The following LRMDA variants were observed in gnomAD, a reference collection of about 807,000 sequenced individuals.
LRMDA encodes the protein leucine-rich melanocyte differentiation-associated protein.
LRMDA carries 18 observed loss-of-function variants against 29.8 expected under a neutral mutation model. The ratio of observed to expected loss-of-function variants is 0.60; its 90% confidence interval spans 0.42 to 0.90. The LOEUF (loss-of-function observed/expected upper bound fraction) is 0.90. Ranked by LOEUF, LRMDA falls within the 40% of genes least tolerant of loss-of-function variation. LRMDA has a pLI of 0.00. For missense variants in LRMDA, 273 were observed against 273.9 expected, an observed-to-expected ratio of 1.00 and a Z score of 0.02; for synonymous variants, 125 against 109.4, an observed-to-expected ratio of 1.14 and a Z score of -0.89.
intron 2 of LRMDA, among the ~76,000 whole-genome samples, chr10:75,847,214 C>T (rs929499826): frequency 2.6e-5 from 4 of 152,052 alleles, no homozygotes; most frequent in Non-Finnish European, 4.4e-5. Flanking sequence ...TGTGTATGGT[C>T]AAATGATTTT....
At chr10:76,007,031 T>TGTGTGTGCGC (rs1230411095) in intron 2 of LRMDA, among the ~76,000 whole-genome samples, 3 of 26,906 alleles carry the variant, frequency 1.1e-4, no homozygotes, top group Admixed American at 4.1e-4. Flanking sequence ...TGTGTGTGTG[T>TGTGTGTGCGC]GCGCGTGTGT....
At chr10:76,444,383 A>G (rs926004346) in intron 6 of LRMDA, among the ~76,000 whole-genome samples, 8 of 152,196 alleles carry the variant, frequency 5.3e-5, no homozygotes, top group Admixed American at 6.5e-5. Context: ...GGTAGAAGTG[A>G]GTAATGAGAG....
intron 5 of LRMDA, among the ~76,000 whole-genome samples, chr10:76,083,123 C>G (rs894319716): frequency 6.6e-6 from 1 of 152,138 alleles, no homozygotes; most frequent in Non-Finnish European, 1.5e-5. Context: ...AAAGACTGTC[C>G]TTCCCAGGGC....
At chr10:75,662,974 CTCT>C (rs1468527424) in intron 2 of LRMDA, among the ~76,000 whole-genome samples, 1 of 152,210 alleles carries the variant, frequency 6.6e-6, no homozygotes, top group Non-Finnish European at 1.5e-5. Context: ...TTATAGAAGA[CTCT>C]TCTTGTTCTT....
intron 5 of LRMDA, among the ~76,000 whole-genome samples, chr10:76,319,967 C>T (rs1243055047): frequency 6.6e-6 from 1 of 152,200 alleles, no homozygotes; most frequent in East Asian, 1.9e-4. Context: ...CCAAATCTCT[C>T]CTCCTGTGGT....
chr10:75,570,012 A>T (rs1322810612), intron 2 of LRMDA, among the ~76,000 whole-genome samples: 1 of 152,228 alleles, frequency 6.6e-6, no homozygotes, highest in Non-Finnish European at 1.5e-5. Context: ...TTTGGGGTGT[A>T]CACAGTATAT....
intron 2 of LRMDA, among the ~76,000 whole-genome samples, chr10:76,015,190 G>GC (rs553031399): frequency 1.3e-5 from 2 of 152,138 alleles, no homozygotes; most frequent in African/African-American, 2.4e-5. Context: ...GTATCAAATT[G>GC]CCCCCCAATT....
In LRMDA at chr10:76,036,139, C is replaced by A. The variant is rs778145566; in HGVS notation, c.258+5C>A. ...TTAACCCTCAACAAGAACCGAATATCCTTTCCTCTGCCCGCTGCCCCCACT... is the reference window on the plus strand; with the variant it reads ...TTAACCCTCAACAAGAACCGAATATACTTTCCTCTGCCCGCTGCCCCCACT... On this transcript the variant is annotated splice_donor_5th_base_variant and intron_variant, in intron 3 of 6. Coordinates refer to ENST00000611255, the MANE Select transcript of LRMDA (RefSeq NM_001305581.2). 6.2e-7 allele frequency: 1 copy of A among 1,612,322 alleles called. No individual in the cohort carries two copies. Among genetic ancestry groups the A allele is most frequent in the Non-Finnish European group, 8.5e-7 (1 of 1,179,710 alleles).
chr10:76,485,754 G>A (rs140965545), intron 6 of LRMDA, among the ~76,000 whole-genome samples: 3 of 151,746 alleles, frequency 2.0e-5, no homozygotes, highest in African/African-American at 7.2e-5. Flanking sequence ...ACTATTGAAG[G>A]ATAACTCCAC....
At chr10:76,091,923 A>C (rs1849237880) in intron 5 of LRMDA, among the ~76,000 whole-genome samples, 1 of 152,160 alleles carries the variant, frequency 6.6e-6, no homozygotes. Flanking sequence ...CCTGGCCTCA[A>C]GGATCCTGGT....
At chr10:75,896,604 A>G (rs547978621) in intron 2 of LRMDA, among the ~76,000 whole-genome samples, 1 of 152,288 alleles carries the variant, frequency 6.6e-6, no homozygotes, top group Admixed American at 6.5e-5. Context: ...GCCTCAAAAC[A>G]TAGATTCATG....
chr10:76,059,155 G>A (rs925211068), intron 5 of LRMDA, among the ~76,000 whole-genome samples: 5 of 151,990 alleles, frequency 3.3e-5, no homozygotes, highest in Non-Finnish European at 5.9e-5. Context: ...CTTCAGAGGG[G>A]GACTTTCTTG....
chr10:75,692,576 TG>T (rs1488127399), intron 2 of LRMDA, among the ~76,000 whole-genome samples: 1 of 103,784 alleles, frequency 9.6e-6, no homozygotes, highest in Non-Finnish European at 2.0e-5. Context: ...TGTGTGTGTG[TG>T]TGTGTGTGTG....
intron 5 of LRMDA, among the ~76,000 whole-genome samples, chr10:76,078,595 G>A: frequency 6.6e-6 from 1 of 152,054 alleles, no homozygotes; most frequent in Admixed American, 6.5e-5. Context: ...CAGCACTTTG[G>A]GAAGCTGAGA....
At chr10:75,678,522 G>A (rs1841987822) in intron 2 of LRMDA, among the ~76,000 whole-genome samples, 1 of 152,148 alleles carries the variant, frequency 6.6e-6, no homozygotes, top group Non-Finnish European at 1.5e-5. Flanking sequence ...GCCTTTATTG[G>A]TTTTCTCCAG....
intron 5 of LRMDA, among the ~76,000 whole-genome samples, chr10:76,129,982 TTTATAAAGGCTA>T (rs1849957391): frequency 6.6e-6 from 1 of 152,200 alleles, no homozygotes; most frequent in Admixed American, 6.5e-5. Flanking sequence ...CCATATTTAC[TTTATAAAGGCTA>T]TTATAAAGAA....
At chr10:76,535,427 AAATGATCAT>A (rs145381103) in intron 6 of LRMDA, among the ~76,000 whole-genome samples, 7,805 of 152,238 alleles carry the variant, frequency 0.051, 253 homozygotes, top group African/African-American at 0.082. Flanking sequence ...CGTTGGCCTA[AAATGATCAT>A]AATCTTTTGT....
chr10:75,553,875 A>G (rs1840183182), intron 2 of LRMDA, among the ~76,000 whole-genome samples: 1 of 152,054 alleles, frequency 6.6e-6, no homozygotes, highest in Non-Finnish European at 1.5e-5. Flanking sequence ...CACCATGGGG[A>G]AAAAAATGAG....
At chr10:75,760,064 T>G (rs142165060) in intron 2 of LRMDA, among the ~76,000 whole-genome samples, 13 of 152,348 alleles carry the variant, frequency 8.5e-5, no homozygotes, top group Middle Eastern at 3.4e-3. Flanking sequence ...GAAAATTTAA[T>G]GTAGAACAAG....
Sources: gnomAD v4.1 joint callset for allele counts (sites outside exome capture counted in the v4.1 genomes callset) on GRCh38, gnomAD v4.1.1 for gene constraint, MANE v1.5 for transcripts, NCBI Gene and HGNC (gene_info 2026-07-23, HGNC 2026-07-21) for gene names.